Variants in SHANK2 observed in about 807,000 individuals in gnomAD.
SHANK2 encodes SH3 and multiple ankyrin repeat domains 2, also known as SH3 and multiple ankyrin repeat domains protein 2.
A neutral mutation model predicts 133.7 loss-of-function variants in SHANK2; 43 were observed. The ratio of observed to expected loss-of-function variants is 0.32; its 90% CI spans 0.25 to 0.41. SHANK2 has a LOEUF of 0.41. Among genes scored for constraint, SHANK2 ranks in the 10% least tolerant of loss-of-function variants. The pLI, the probability that SHANK2 is intolerant of heterozygous loss-of-function variation, is 1.00. For missense variants in SHANK2, 1,994 were observed against 2,235.8 expected, an observed-to-expected ratio of 0.89 and a Z score of 2.18; for synonymous variants, 1,017 against 952.8, an observed-to-expected ratio of 1.07 and a Z score of -1.24.
At chr11:70,583,369 G>A (rs1448862228) in intron 17 of SHANK2, among the ~76,000 whole-genome samples, 3 of 152,134 alleles carry the variant, frequency 2.0e-5, no homozygotes, top group African/African-American at 7.2e-5. Flanking sequence ...CGCAGAACAG[G>A]GGCCAGCGTG....
chr11:70,936,787 C>T (rs543488249), intron 10 of SHANK2, among the ~76,000 whole-genome samples: 7 of 152,248 alleles, frequency 4.6e-5, no homozygotes, highest in African/African-American at 1.7e-4. Flanking sequence ...CCTCAGGGTT[C>T]CCAACAGCCC....
intron 14 of SHANK2, among the ~76,000 whole-genome samples, chr11:70,730,561 T>C (rs1219091513): frequency 1.3e-5 from 2 of 152,308 alleles, no homozygotes; most frequent in Middle Eastern, 3.4e-3. Flanking sequence ...CTTCCAGCAC[T>C]GTCCTCAGAG....
intron 17 of SHANK2, among the ~76,000 whole-genome samples, chr11:70,544,356 C>T (rs1000999211): frequency 6.6e-5 from 10 of 152,348 alleles, no homozygotes; most frequent in East Asian, 1.9e-4. Context: ...TGGAGCCCCA[C>T]GCGTAGGACC....
intron 17 of SHANK2, among the ~76,000 whole-genome samples, chr11:70,572,928 C>T (rs1554983393): frequency 1.3e-5 from 2 of 152,160 alleles, no homozygotes. Flanking sequence ...ACCTAACTAC[C>T]CCAAGTCTAG....
intron 17 of SHANK2, among the ~76,000 whole-genome samples, chr11:70,533,950 C>T (rs76270409): frequency 0.039 from 5,911 of 152,320 alleles, 159 homozygotes; most frequent in East Asian, 0.091. Flanking sequence ...CTTTCTTCCT[C>T]TTTATGGCCA....
intron 14 of SHANK2, among the ~76,000 whole-genome samples, chr11:70,747,700 T>C (rs1404406867): frequency 6.6e-6 from 1 of 152,144 alleles, no homozygotes; most frequent in Non-Finnish European, 1.5e-5. Context: ...TGAGTATGTA[T>C]GTGTGTGTGC....
chr11:71,061,973 T>TTC (rs1317948330), intron 9 of SHANK2, among the ~76,000 whole-genome samples: 1 of 127,486 alleles, frequency 7.8e-6, no homozygotes, highest in African/African-American at 3.9e-5. Context: ...CTTTCTTTCT[T>TTC]TTTTTTTTTT....
chr11:71,070,774 C>T (rs934789034), intron 9 of SHANK2, among the ~76,000 whole-genome samples: 180 of 152,366 alleles, frequency 1.2e-3, no homozygotes, highest in African/African-American at 4.0e-3. Flanking sequence ...ATCGTTATGA[C>T]GGAGTCCATG....
rs558810626 is a variant in SHANK2 at position 70,624,901 on chromosome 11, CG to C, written c.2061+34926del. Among the ~76,000 whole-genome samples the C allele has an allele frequency of 3.3e-3, 505 of 152,266 alleles. 5 individuals are homozygous for C. Among genetic ancestry groups the C allele is most frequent in the African/African-American group, 0.011 (474 of 41,546 alleles). On this transcript the variant is annotated intron_variant, in intron 17 of 25. Transcript: ENST00000601538. ...ATCGGCTCCCTCACCTGGTGGCCTGCGGGGGGTGTCCCAAGGGTTCTCACCA... is the reference window on the plus strand; with the variant it reads ...ATCGGCTCCCTCACCTGGTGGCCTGCGGGGGTGTCCCAAGGGTTCTCACCA...
chr11:71,220,528 C>A lies in SHANK2; in HGVS notation c.-13+4169G>T, dbSNP rs148919167. 1.0e-3 allele frequency among the ~76,000 whole-genome samples: 159 copies of A among 152,288 alleles called. 1 individual carries two copies. Among genetic ancestry groups the A allele is most frequent in the African/African-American group, 3.6e-3 (150 of 41,558 alleles). On this transcript the variant is annotated intron_variant, in intron 2 of 25. Transcript: ENST00000601538. The stretch of plus-strand genomic sequence containing the variant: ...ACAACAGCCAAAAGGTTGGAGCAAC[C>A]CAGTGTCCACCACTGGATGAACGCA...
chr11:70,630,142 G>A (rs1188408301), intron 17 of SHANK2, among the ~76,000 whole-genome samples: 18 of 152,236 alleles, frequency 1.2e-4, no homozygotes, highest in African/African-American at 4.3e-4. Flanking sequence ...GTTCCCTGAT[G>A]GCAGTGGGGT....
chr11:71,210,462 G>T (rs1329300897), intron 2 of SHANK2, among the ~76,000 whole-genome samples: 2 of 151,338 alleles, frequency 1.3e-5, no homozygotes, highest in African/African-American at 2.4e-5. Flanking sequence ...TGTTAGCCAG[G>T]ATGGTCTCAA....
intron 14 of SHANK2, among the ~76,000 whole-genome samples, chr11:70,748,396 G>A (rs1267433983): frequency 1.3e-5 from 2 of 152,086 alleles, no homozygotes; most frequent in African/African-American, 4.8e-5. Context: ...CAGAAAAAGG[G>A]ACCGTCCCCT....
chr11:70,827,969 T>G (rs1948671133), intron 11 of SHANK2, among the ~76,000 whole-genome samples: 1 of 151,988 alleles, frequency 6.6e-6, no homozygotes, highest in Admixed American at 6.5e-5. Context: ...ACGCCCTATA[T>G]CAGCTGAGCA....
At chr11:70,928,342 C>T (rs1269593964) in intron 10 of SHANK2, among the ~76,000 whole-genome samples, 1 of 152,140 alleles carries the variant, frequency 6.6e-6, no homozygotes, top group Non-Finnish European at 1.5e-5. Flanking sequence ...GACAGCTGGT[C>T]AACTTGCTAC....
intron 8 of SHANK2, among the ~76,000 whole-genome samples, chr11:71,076,018 A>G (rs1285949511): frequency 6.6e-6 from 1 of 152,200 alleles, no homozygotes; most frequent in Non-Finnish European, 1.5e-5. Context: ...CAGGGTTCAG[A>G]TGAGAATCAC....
At chr11:70,767,610 G>T (rs183435479) in intron 14 of SHANK2, among the ~76,000 whole-genome samples, 65 of 152,248 alleles carry the variant, frequency 4.3e-4, no homozygotes, top group African/African-American at 1.4e-3. Context: ...AGTCACAAAG[G>T]CCATGCTGGA....
At chr11:71,167,703 TG>T (rs1953199301) in intron 2 of SHANK2, among the ~76,000 whole-genome samples, 1 of 133,330 alleles carries the variant, frequency 7.5e-6, no homozygotes, top group Non-Finnish European at 1.6e-5. Context: ...ACGGAGCGGC[TG>T]GCCGGGCAGA....
chr11:71,162,787 T>C (rs1312267605), intron 2 of SHANK2, among the ~76,000 whole-genome samples: 13 of 152,066 alleles, frequency 8.5e-5, no homozygotes, highest in Non-Finnish European at 1.8e-4. Flanking sequence ...TAAATAAATA[T>C]ATAGTCTGGG....
Sources: allele counts gnomAD v4.1 joint callset (sites outside exome capture counted in the v4.1 genomes callset), GRCh38; gene constraint gnomAD v4.1.1; transcripts MANE v1.5; gene names NCBI Gene and HGNC (gene_info 2026-07-23, HGNC 2026-07-21).